ATP2A1: variants seen among roughly 807,000 people sequenced by gnomAD.
ATP2A1 encodes the protein sarcoplasmic/endoplasmic reticulum calcium ATPase 1.
ATP2A1 carries 83 observed loss-of-function variants against 109.5 expected under a neutral mutation model. The ratio of observed to expected loss-of-function variants is 0.76; its 90% confidence interval spans 0.63 to 0.91. The LOEUF is 0.91. Ranked by LOEUF, ATP2A1 falls within the 40% of genes least tolerant of loss-of-function variation. ATP2A1 has a pLI of 0.00. For missense variants in ATP2A1, 1,101 were observed against 1,341.0 expected (o/e 0.82, Z 2.80); for synonymous variants, 505 against 537.6 (o/e 0.94, Z 0.84).
rs2152203990 is a variant in ATP2A1 at position 28,887,637 on chromosome 16, C to A, written c.843C>A (p.Asp281Glu). 2 of 1,614,182 alleles carry A rather than the reference C, an allele frequency of 1.2e-6. No individual in the cohort carries two copies. Among genetic ancestry groups the A allele is most frequent in the Non-Finnish European group, 1.7e-6 (2 of 1,180,036 alleles). ...TTATCAACATTGGCCACTTCAACGA[C>A]CCCGTCCATGGGGGCTCCTGGTTCC... The part of the protein sequence containing the change: ...VWLINIGHFN[D>E]PVHGGSWFRG... Residue 281 changes from aspartate (D) to glutamate (E), a missense_variant, in exon 8 of 23, where the codon GAC (aspartate) becomes GAA (glutamate). Physicochemically the swap from Asp to Glu is conservative, Grantham distance 45 (BLOSUM62 2). Coordinates refer to ENST00000395503, the MANE Select transcript of ATP2A1 (RefSeq NM_004320.6).
chr16:28,894,573 C>T lies in ATP2A1; in HGVS notation c.1253C>T (p.Ala418Val), dbSNP rs2152209408. 1.2e-6 allele frequency: 2 copies of T among 1,614,138 alleles called. No homozygotes were observed. The highest frequency in any genetic ancestry group is 1.3e-5 in the African/African-American group (1 of 75,038). ...CTGGTGGAGCTGGCCACCATCTGTGCCCTCTGCAATGACTCCTCCTTGGAC... is the reference window on the plus strand; with the variant it reads ...CTGGTGGAGCTGGCCACCATCTGTGTCCTCTGCAATGACTCCTCCTTGGAC... ...DGLVELATIC[A>V]LCNDSSLDFN... The change falls in exon 11 of 23, where the codon GCC becomes GTC. Residue 418 changes from alanine (A) to valine (V), a missense_variant. Transcript: ENST00000395503.
At chr16:28,879,604 G>A (rs754247348) in intron 3 of ATP2A1, 21 bp downstream of exon 3, 10 of 1,612,628 alleles carry the variant, frequency 6.2e-6, no homozygotes, top group Non-Finnish European at 8.5e-6. Flanking sequence ...GAGGGTCTCT[G>A]GGGGCTGGCT....
chr16:28,889,059 T>A (rs1464253424), intron 9 of ATP2A1, 106 bp downstream of exon 9: 124 of 1,495,168 alleles, frequency 8.3e-5, no homozygotes, highest in Non-Finnish European at 1.1e-4. Flanking sequence ...GCTTCTCATC[T>A]GGGCCTGCAA....
At chr16:28,901,830 G>T (rs889718503) in intron 15 of ATP2A1, 33 bp from the exon 16 acceptor site, 3 of 1,579,382 alleles carry the variant, frequency 1.9e-6, no homozygotes, top group Non-Finnish European at 2.6e-6. Flanking sequence ...ATGTGTGAAG[G>T]TGCCCTAAGC....
chr16:28,904,318 A>T lies in ATP2A1; in HGVS notation c.*176A>T. On this transcript the variant is annotated 3_prime_UTR_variant, in exon 23 of 23. Coordinates refer to ENST00000395503, the MANE Select transcript of ATP2A1 (RefSeq NM_004320.6). ...CCGTGTCATGTGTCTGTTTATAAAC[A>T]TGTCCCCTTCCCTTTCCTTCCCCCT... is the stretch of plus-strand genomic sequence containing the variant. 1.3e-6 allele frequency: 2 copies of T among 1,596,832 alleles called. No individual in the cohort carries two copies.
chr16:28,878,908 T>C, intron 1 of ATP2A1, 119 bp downstream of exon 1: 2 of 1,357,466 alleles, frequency 1.5e-6, no homozygotes, highest in Non-Finnish European at 2.1e-6. Context: ...TGGGCCGTTG[T>C]CCAATGCTCG....
intron 22 of ATP2A1, 62 bp from the exon 23 acceptor site, chr16:28,904,105 GCCTGGGAGATGCA>G: frequency 2.2e-6 from 3 of 1,354,020 alleles, no homozygotes; most frequent in Non-Finnish European, 3.2e-6. Context: ...GTAAGTGCGT[GCCTGGGAGATGCA>G]CCTGGGAGGG....
chr16:28,888,002 C>T (rs566064221), intron 8 of ATP2A1, among the ~76,000 whole-genome samples: 34 of 151,456 alleles, frequency 2.2e-4, no homozygotes, highest in East Asian at 5.8e-4. Context: ...GGGGTTTCAC[C>T]GTGTTAGCCA....
Position 28,898,171 on chromosome 16 carries a change from A to C in ATP2A1, c.1545+46A>C, listed in dbSNP as rs145397754. ...TCAGCCCCCTCTTCTTCCTACTCCT[A>C]GCCACCTGTCACTGCCCTGGAAGGA... On this transcript the variant is annotated intron_variant, in intron 13 of 22. Transcript: ENST00000395503. The surrounding 1 kb of genome is among the most constrained non-coding windows in gnomAD (Gnocchi z 4.0). 2,570 of 1,614,146 alleles carry C rather than the reference A, an allele frequency of 1.6e-3. 4 individuals are homozygous for C. The highest frequency in any genetic ancestry group is 1.9e-3 in the Non-Finnish European group (2,269 of 1,180,012).
chr16:28,886,459 CCT>C (rs951233649), intron 6 of ATP2A1, among the ~76,000 whole-genome samples: 4 of 152,120 alleles, frequency 2.6e-5, no homozygotes, highest in Admixed American at 1.3e-4. Flanking sequence ...CTGCTGAGCC[CCT>C]GCTCTTAGGG....
intron 3 of ATP2A1, 178 bp downstream of exon 3, chr16:28,879,761 C>A: frequency 2.6e-6 from 2 of 770,130 alleles, no homozygotes; most frequent in Non-Finnish European, 4.3e-6. Context: ...CTCCCCTGCA[C>A]CCCAGAGGCA....
At chr16:28,890,151 T>C (rs563039541) in intron 9 of ATP2A1, among the ~76,000 whole-genome samples, 1 of 151,460 alleles carries the variant, frequency 6.6e-6, no homozygotes, top group East Asian at 1.9e-4. Context: ...AATAATAAAA[T>C]GAAATGAAAT....
At position 28,888,818 on chromosome 16, in the gene ATP2A1, C is replaced by A; in HGVS notation, c.960C>A (p.Ala320=). 1 of 1,614,098 alleles carries A rather than the reference C, an allele frequency of 6.2e-7. No homozygotes were observed. The highest frequency in any genetic ancestry group is 1.6e-4 in the Middle Eastern group (1 of 6,062). The stretch of plus-strand genomic sequence containing the variant: ...CTGCAGTCATCACCACCTGCCTGGC[C>A]CTGGGTACCCGTCGGATGGCAAAGA... ...GLPAVITTCL[A]LGTRRMAKKN... The change falls in exon 9 of 23, where the codon GCC becomes GCA. Residue 320 remains alanine (A), a synonymous_variant. Transcript: ENST00000395503.
chr16:28,878,856 G>A, intron 1 of ATP2A1, 67 bp downstream of exon 1: 2 of 1,506,628 alleles, frequency 1.3e-6, no homozygotes, highest in Non-Finnish European at 1.8e-6. Context: ...ACACGCACAC[G>A]CATGCACGCG....
intron 9 of ATP2A1, 43 bp from the exon 10 acceptor site, chr16:28,894,112 G>T: frequency 6.4e-7 from 1 of 1,564,916 alleles, no homozygotes; most frequent in Admixed American, 1.7e-5. Flanking sequence ...ACCTTGGGAT[G>T]GGAAGAGGTG....
intron 4 of ATP2A1, chr16:28,881,625 A>C: frequency 6.2e-6 from 1 of 160,002 alleles, no homozygotes. Context: ...ACATGGTAAA[A>C]CCCCATCTCT....
chr16:28,881,962 G>A (rs1963498928), intron 4 of ATP2A1, among the ~76,000 whole-genome samples: 1 of 151,940 alleles, frequency 6.6e-6, no homozygotes, highest in African/African-American at 2.4e-5. Flanking sequence ...TTTTGAGACA[G>A]GGTCTCGTTC....
In ATP2A1 at chr16:28,878,806, A is replaced by G. The variant is rs1963355363; in HGVS notation, c.118+17A>G. ...GCCTCAATGGTAAGTGTCCCTTGGA[A>G]GAGCGGCTGGTAATTAATGCCCTCC... On this transcript the variant is annotated intron_variant, in intron 1 of 22. Coordinates refer to ENST00000395503, the MANE Select transcript of ATP2A1 (RefSeq NM_004320.6). The G allele has an allele frequency of 6.2e-7, 1 of 1,612,412 alleles. No individual in the cohort carries two copies. The highest frequency in any genetic ancestry group is 1.1e-5 in the South Asian group (1 of 91,044).
Position 28,903,379 on chromosome 16 carries a change from C to G in ATP2A1, c.2919C>G (p.Ile973Met), listed in dbSNP as rs779615432. The G allele has an allele frequency of 5.0e-6, 8 of 1,614,054 alleles. No homozygotes were observed. The highest frequency in any genetic ancestry group is 1.6e-4 in the Middle Eastern group (1 of 6,062). ...DLTQWLMVLK[I>M]SLPVIGLDEI... is the part of the protein sequence containing the mutation. ...CCCAGTGGCTCATGGTCCTCAAGAT[C>G]TCACTGCCAGTCATTGGGCTCGACG... is the stretch of plus-strand genomic sequence containing the variant. Residue 973 changes from isoleucine to methionine, a missense_variant, in exon 21 of 23, where the codon ATC becomes ATG. Coordinates refer to ENST00000395503, the MANE Select transcript of ATP2A1 (RefSeq NM_004320.6). This position sits in a 1 kb window ranked among gnomAD's most constrained non-coding sequence, Gnocchi z 5.6.
Sources: gnomAD v4.1 joint callset for allele counts (sites outside exome capture counted in the v4.1 genomes callset) on GRCh38, gnomAD v4.1.1 for gene constraint, Gnocchi (gnomAD v3.1) non-coding constraint, MANE v1.5 for transcripts, NCBI Gene and HGNC (gene_info 2026-07-23, HGNC 2026-07-21) for gene names.